KIAA1217: variants seen among roughly 807,000 people sequenced by gnomAD.
KIAA1217 encodes the protein sickle tail protein homolog.
Under a neutral mutation model 163.9 loss-of-function variants are expected in KIAA1217, and 88 were observed. The observed-to-expected ratio is 0.54, with a 90% CI of 0.45 to 0.64. The LOEUF (loss-of-function observed/expected upper bound fraction) is 0.64, where lower values mean the gene tolerates loss of function less well. Ranked by LOEUF, KIAA1217 falls within the 30% of genes least tolerant of loss-of-function variation. The probability of loss-of-function intolerance (pLI) is 0.00; values close to 1 mark genes in which losing one functional copy is unlikely to be tolerated. For synonymous variants in KIAA1217, 903 were observed against 923.1 expected (o/e 0.98, Z 0.39); for missense variants, 2,372 against 2,475.0 (o/e 0.96, Z 0.88).
chr10:24,449,474 T>C (rs530818786), intron 5 of KIAA1217: 1 of 985,424 alleles, frequency 1.0e-6, no homozygotes, highest in South Asian at 4.7e-5. Flanking sequence ...GCATTGGTTT[T>C]AGTTATGCTG....
At chr10:24,422,860 G>GA (rs2058842955) in intron 3 of KIAA1217, among the ~76,000 whole-genome samples, 1 of 151,408 alleles carries the variant, frequency 6.6e-6, no homozygotes, top group Non-Finnish European at 1.5e-5. Flanking sequence ...GGTGGTTATG[G>GA]GGGGCAAGAC....
intron 14 of KIAA1217, 34 bp downstream of exon 14, chr10:24,528,153 G>A: frequency 6.2e-7 from 1 of 1,601,072 alleles, no homozygotes; most frequent in Non-Finnish European, 8.5e-7. Context: ...AATATATGGA[G>A]GTACATGGCT....
intron 2 of KIAA1217, chr10:24,239,290 A>G (rs1261283535): frequency 3.0e-6 from 3 of 985,292 alleles, no homozygotes; most frequent in African/African-American, 3.5e-5. Context: ...CAGAAGAATT[A>G]GATTTTCTGC....
At chr10:24,202,419 G>C (rs1216890290) in intron 2 of KIAA1217, among the ~76,000 whole-genome samples, 1 of 152,096 alleles carries the variant, frequency 6.6e-6, no homozygotes, top group Non-Finnish European at 1.5e-5. Flanking sequence ...CCTGGGCACA[G>C]GCAATCCCTG....
At chr10:23,892,508 C>T (rs2131217966) in intron 1 of KIAA1217, among the ~76,000 whole-genome samples, 1 of 151,972 alleles carries the variant, frequency 6.6e-6, no homozygotes, top group African/African-American at 2.4e-5. Flanking sequence ...TGTCTGCTTG[C>T]CTCAGGACTA....
At chr10:23,717,112 T>G (rs552085349) in intron 1 of KIAA1217, among the ~76,000 whole-genome samples, 1 of 152,162 alleles carries the variant, frequency 6.6e-6, no homozygotes, top group African/African-American at 2.4e-5. Context: ...TCCCAGCCTG[T>G]CTTTTTGAAA....
intron 2 of KIAA1217, among the ~76,000 whole-genome samples, chr10:24,193,320 C>T (rs531562369): frequency 2.6e-5 from 4 of 152,272 alleles, no homozygotes; most frequent in East Asian, 3.9e-4. Flanking sequence ...AGGAGTCCTG[C>T]GGACTTATCT....
At chr10:24,167,272 G>C (rs1295452955) in intron 2 of KIAA1217, among the ~76,000 whole-genome samples, 1 of 113,988 alleles carries the variant, frequency 8.8e-6, no homozygotes, top group Non-Finnish European at 1.8e-5. Context: ...AGAAAGGTTT[G>C]GTGTGTATGT....
intron 10 of KIAA1217, among the ~76,000 whole-genome samples, chr10:24,517,347 G>A (rs1406963226): frequency 6.6e-6 from 1 of 152,112 alleles, no homozygotes; most frequent in African/African-American, 2.4e-5. Flanking sequence ...AGAAGAACTA[G>A]AATGTTTCTA....
rs557108643 is a variant in KIAA1217, at chr10:24,397,325, C to T, written c.553+16258C>T. On this transcript the variant is annotated intron_variant, in intron 3 of 20. Transcript: ENST00000376454. ...GGCTGGTCTCGAACTCCTGACCTCG[C>T]GATCCACCCGGCTTGGCCTCCCAAA... 3.9e-4 allele frequency among the ~76,000 whole-genome samples: 59 copies of T among 152,110 alleles called. 1 individual carries two copies. In the East Asian group the frequency reaches 4.1e-3, roughly 10 times the overall value.
At chr10:23,876,061 C>T (rs1840677785) in intron 1 of KIAA1217, among the ~76,000 whole-genome samples, 1 of 150,818 alleles carries the variant, frequency 6.6e-6, no homozygotes, top group Admixed American at 6.6e-5. Context: ...AACAAACCTG[C>T]ATGTTGTGCA....
intron 2 of KIAA1217, among the ~76,000 whole-genome samples, chr10:24,242,487 A>G (rs2073223558): frequency 6.6e-6 from 1 of 152,162 alleles, no homozygotes; most frequent in Admixed American, 6.6e-5. Context: ...TTCTTTATCC[A>G]GTCCACCATT....
chr10:24,459,278 A>G (rs1453938593), intron 5 of KIAA1217, among the ~76,000 whole-genome samples: 2 of 152,168 alleles, frequency 1.3e-5, no homozygotes, highest in Non-Finnish European at 2.9e-5. Context: ...TTCATCATTC[A>G]TGAACCCACT....
intron 2 of KIAA1217, among the ~76,000 whole-genome samples, chr10:24,052,792 C>T (rs1357545072): frequency 6.6e-6 from 1 of 151,956 alleles, no homozygotes; most frequent in African/African-American, 2.4e-5. Flanking sequence ...TTGTTATATG[C>T]TATATATGTT....
chr10:24,254,627 C>T (rs1049816829), intron 2 of KIAA1217, among the ~76,000 whole-genome samples: 2 of 152,182 alleles, frequency 1.3e-5, no homozygotes, highest in African/African-American at 4.8e-5. Flanking sequence ...ACAAATGAAG[C>T]ACATTCACAT....
At chr10:23,775,639 C>T (rs1431192548) in intron 1 of KIAA1217, among the ~76,000 whole-genome samples, 1 of 152,160 alleles carries the variant, frequency 6.6e-6, no homozygotes, top group African/African-American at 2.4e-5. Flanking sequence ...ATCCCTTTGT[C>T]TAAATTGACT....
chr10:24,008,563 A>C (rs1847108575), intron 2 of KIAA1217, among the ~76,000 whole-genome samples: 2 of 152,176 alleles, frequency 1.3e-5, no homozygotes, highest in African/African-American at 4.8e-5. Flanking sequence ...GATTTTGTGC[A>C]GCTAGAAAGC....
At chr10:24,372,782 G>A (rs12251662) in intron 2 of KIAA1217, among the ~76,000 whole-genome samples, 24,553 of 152,090 alleles carry the variant, frequency 0.16, 2,277 homozygotes, top group South Asian at 0.3. Flanking sequence ...TTATGATTGT[G>A]TAGTACTCTA....
intron 2 of KIAA1217, among the ~76,000 whole-genome samples, chr10:24,132,580 C>A (rs953955421): frequency 2.0e-5 from 3 of 151,488 alleles, no homozygotes; most frequent in African/African-American, 7.3e-5. Context: ...AGCTGTGCAC[C>A]GGGATGTTAA....
Sources: gnomAD v4.1 joint callset for allele counts (sites outside exome capture counted in the v4.1 genomes callset) on GRCh38, gnomAD v4.1.1 for gene constraint, MANE v1.5 for transcripts, NCBI Gene and HGNC (gene_info 2026-07-23, HGNC 2026-07-21) for gene names.